Variants in SEC31B observed in about 807,000 individuals in gnomAD.
SEC31B encodes the protein protein transport protein Sec31B.
Under a neutral mutation model 135.0 loss-of-function variants are expected in SEC31B, and 113 were observed. The ratio of observed to expected loss-of-function variants is 0.84; its 90% CI spans 0.72 to 0.98. The LOEUF (loss-of-function observed/expected upper bound fraction) is 0.98. Among genes scored for constraint, SEC31B ranks in the 50% least tolerant of loss-of-function variants. The pLI is 0.00. For synonymous variants in SEC31B, 508 were observed against 549.4 expected (o/e 0.92, Z 1.05); for missense variants, 1,296 against 1,421.1 (o/e 0.91, Z 1.42).
At chr10:100,508,932 GCTCCAGAA>G in intron 5 of SEC31B, 67 bp downstream of exon 5, 1 of 1,167,498 alleles carries the variant, frequency 8.6e-7, no homozygotes, top group Non-Finnish European at 1.3e-6. Flanking sequence ...GCTCTGATTG[GCTCCAGAA>G]CTCAAGACTT....
intron 3 of SEC31B, among the ~76,000 whole-genome samples, chr10:100,515,786 G>A (rs150840278): frequency 6.6e-6 from 1 of 152,216 alleles, no homozygotes; most frequent in African/African-American, 2.4e-5. Context: ...ATCTTCACAA[G>A]AGCCAAGGGA....
intron 5 of SEC31B, chr10:100,508,783 T>C: frequency 1.7e-6 from 1 of 574,004 alleles, no homozygotes; most frequent in Non-Finnish European, 3.1e-6. Context: ...CCAGAAACTC[T>C]TAGAACGAGT....
chr10:100,516,183 G>A lies in SEC31B; in HGVS notation c.116C>T (p.Thr39Ile). Residue 39 changes from threonine (T) to isoleucine (I), a missense_variant, in exon 3 of 26, where the codon ACA becomes ATA. By Grantham distance (89) the Thr-to-Ile change is moderately conservative. Coordinates refer to ENST00000370345, the MANE Select transcript of SEC31B (RefSeq NM_015490.4). The part of the protein sequence containing the change: ...SAQQLDSSFS[T>I]NGTLEIFEVD... ...CTCAAATATTTCCAATGTGCCATTT[G>A]TGCTGAAGGAGGAATCTAGCTGTTG... 2 of 1,613,952 alleles carry A rather than the reference G, an allele frequency of 1.2e-6. No homozygotes were observed. Among genetic ancestry groups the A allele is most frequent in the Middle Eastern group, 1.6e-4 (1 of 6,062 alleles).
chr10:100,519,354 C>T (rs1564655888), intron 1 of SEC31B, among the ~76,000 whole-genome samples: 1 of 152,246 alleles, frequency 6.6e-6, no homozygotes, highest in Non-Finnish European at 1.5e-5. Context: ...AGGGCACCAG[C>T]TACCCTTGGC....
Position 100,498,721 on chromosome 10 carries a change from C to A in SEC31B, c.1668G>T (p.Glu556Asp). 1 of 1,612,906 alleles carries A rather than the reference C, an allele frequency of 6.2e-7. No homozygotes were observed. Among genetic ancestry groups the A allele is most frequent in the South Asian group, 1.1e-5 (1 of 91,056 alleles). Reference sequence around the variant, plus strand: ...TCAGGGTACCTTTTGTGATGGGGATCTCCCAAGGAGTCATGTTCTGAGGGA... The same window carrying A: ...TCAGGGTACCTTTTGTGATGGGGATATCCCAAGGAGTCATGTTCTGAGGGA... ...ELVPQNMTPW[E>D]IPITKDIDGL... Residue 556 changes from glutamate (E) to aspartate (D), a missense_variant, in exon 14 of 26, where the codon GAG becomes GAT. Glu to Asp is a conservative substitution (Grantham distance 45). Coordinates refer to ENST00000370345, the MANE Select transcript of SEC31B (RefSeq NM_015490.4).
At chr10:100,487,887 C>A in intron 25 of SEC31B, 92 bp from the exon 26 acceptor site, 1 of 1,548,346 alleles carries the variant, frequency 6.5e-7, no homozygotes. Context: ...AGTTCTGGGG[C>A]CCAGTCCAGG....
At position 100,497,754 on chromosome 10, in the gene SEC31B, C is replaced by T. The variant is rs781433579; in HGVS notation, c.1903G>A (p.Val635Met). The T allele has an allele frequency of 5.1e-5, 82 of 1,614,068 alleles. No homozygotes were observed. Among genetic ancestry groups the T allele is most frequent in the Non-Finnish European group, 6.7e-5 (79 of 1,180,026 alleles). Residue 635 changes from valine to methionine, a missense_variant, in exon 16 of 26, where the codon GTG (valine) becomes ATG (methionine). Val to Met is a conservative substitution (Grantham distance 21). Coordinates refer to ENST00000370345, the MANE Select transcript of SEC31B (RefSeq NM_015490.4). ...CVVQKNWKDV[V>M]CTCSLKNWRE... ...CAGTTCTTCAGGCTACAGGTACACA[C>T]CACATCCTTCCAATTCTTTTGCACA...
chr10:100,512,299 A>T (rs1295630599), intron 3 of SEC31B, among the ~76,000 whole-genome samples: 1 of 152,170 alleles, frequency 6.6e-6, no homozygotes, highest in South Asian at 2.1e-4. Context: ...GGTACAGCAG[A>T]CCACACATTG....
chr10:100,496,167 G>C, intron 18 of SEC31B, 91 bp downstream of exon 18: 1 of 1,373,342 alleles, frequency 7.3e-7, no homozygotes, highest in South Asian at 1.3e-5. Context: ...AGGAGCTTCA[G>C]CATTAGCATA....
chr10:100,508,865 G>A, intron 5 of SEC31B, 142 bp downstream of exon 5: 1 of 662,084 alleles, frequency 1.5e-6, no homozygotes. Flanking sequence ...CTGGCTGGTA[G>A]CATGTTAGTC....
chr10:100,489,142 C>T, intron 23 of SEC31B, 110 bp downstream of exon 23: 1 of 1,446,652 alleles, frequency 6.9e-7, no homozygotes, highest in Non-Finnish European at 9.2e-7. Context: ...GGTACCTGCC[C>T]CCAGTCTCCC....
chr10:100,495,144 C>T (rs967117722), intron 19 of SEC31B: 26 of 468,334 alleles, frequency 5.6e-5, no homozygotes, highest in Non-Finnish European at 9.7e-5. Flanking sequence ...CTATTTTTTA[C>T]ATATCTATCT....
At chr10:100,498,397 A>C in intron 14 of SEC31B, 190 bp from the exon 15 acceptor site, 1 of 640,344 alleles carries the variant, frequency 1.6e-6, no homozygotes, top group Non-Finnish European at 2.7e-6. Context: ...AGGGCCCAAG[A>C]CAAGGGAGGG....
At chr10:100,515,110 G>A (rs1447659933) in intron 3 of SEC31B, among the ~76,000 whole-genome samples, 1 of 151,550 alleles carries the variant, frequency 6.6e-6, no homozygotes, top group East Asian at 1.9e-4. Flanking sequence ...GGGCAACATG[G>A]CAAAACCCCA....
In SEC31B at chr10:100,491,891, C is replaced by A. The variant is rs78451478; in HGVS notation, c.2473-1008G>T. Among the ~76,000 whole-genome samples the A allele has an allele frequency of 4.7e-3, 716 of 152,344 alleles. 19 individuals are homozygous for A. In the East Asian group the frequency reaches 0.069, roughly 15 times the overall value. On this transcript the variant is annotated intron_variant, in intron 19 of 25. Transcript: ENST00000370345. ...GCAGGAGTGGGTTTGCTTTCTCTTG[C>A]ACATCTGCTATCTGCCATGTGAGAA...
rs76242101 is a variant in SEC31B, at chr10:100,501,447, C to A, written c.1410+807G>T. Among the ~76,000 whole-genome samples the A allele has an allele frequency of 5.8e-4, 89 of 152,332 alleles. 1 individual carries two copies. In the East Asian group the frequency reaches 0.017, roughly 29 times the overall value. ...TATTCTTTTCTTCCCACATCATTCTCTGGCTTCACTGTATAGTCAAGATCT... is the reference window on the plus strand; with the variant it reads ...TATTCTTTTCTTCCCACATCATTCTATGGCTTCACTGTATAGTCAAGATCT... On this transcript the variant is annotated intron_variant, in intron 11 of 25. Transcript: ENST00000370345.
In SEC31B at chr10:100,506,174, T is replaced by C; in HGVS notation, c.910A>G (p.Ser304Gly). The C allele has an allele frequency of 6.2e-7, 1 of 1,614,220 alleles. No homozygotes were observed. Among genetic ancestry groups the C allele is most frequent in the African/African-American group, 1.3e-5 (1 of 75,046 alleles). Residue 304 changes from serine to glycine, a missense_variant, in exon 9 of 26, where the codon AGC (serine) becomes GGC (glycine). Transcript: ENST00000370345. Reference sequence around the variant, plus strand: ...CACCACTGCACATCAAAGCACCAGCTGCTCTGTGTTGGTAGCTTATATACC... The same window carrying C: ...CACCACTGCACATCAAAGCACCAGCCGCTCTGTGTTGGTAGCTTATATACC... ...EVVYKLPTQSSWCFDVQWCPR... is the reference protein window; with the variant it reads ...EVVYKLPTQSGWCFDVQWCPR...
rs183583181 is a variant in SEC31B, at chr10:100,489,040, G to A, written c.3172-66C>T. The A allele has an allele frequency of 4.6e-4, 706 of 1,543,074 alleles. 4 individuals carry two copies. The highest frequency in any genetic ancestry group is 4.4e-5 in the Non-Finnish European group (51 of 1,149,302). The stretch of plus-strand genomic sequence containing the variant: ...CTGTCCTTCTCATGGCTTCCCTAAG[G>A]ACTAGTCCCCAGTGACTCACAGTCA... On this transcript the variant is annotated intron_variant, in intron 23 of 25. Transcript: ENST00000370345.
chr10:100,505,321 C>T (rs774448107), intron 10 of SEC31B, 40 bp downstream of exon 10: 13 of 1,603,112 alleles, frequency 8.1e-6, no homozygotes, highest in Non-Finnish European at 1.1e-5. Context: ...CACACACACA[C>T]ACACAAACAC....
Sources: gnomAD v4.1 joint callset for allele counts (sites outside exome capture counted in the v4.1 genomes callset) on GRCh38, gnomAD v4.1.1 for gene constraint, MANE v1.5 for transcripts, NCBI Gene and HGNC (gene_info 2026-07-23, HGNC 2026-07-21) for gene names.